Variants in ENTREP2 observed in about 807,000 individuals in gnomAD.
ENTREP2 encodes the protein endosomal transmembrane epsin interactor 2, also known as protein ENTREP2.
chr15:29,650,671 T>A, the ENTREP2 span, among the ~76,000 whole-genome samples: 2 of 152,080 alleles, frequency 1.3e-5, no homozygotes, highest in Non-Finnish European at 2.9e-5. Context: ...GGTACAAATG[T>A]AGGTACACAA....
chr15:29,665,977 C>T, the ENTREP2 span, among the ~76,000 whole-genome samples: 62 of 151,648 alleles, frequency 4.1e-4, no homozygotes, highest in African/African-American at 1.4e-3. Context: ...CCTCAGCCTC[C>T]TGAGTAGCTG....
At chr15:29,664,119 A>G in the ENTREP2 span, among the ~76,000 whole-genome samples, 5 of 152,032 alleles carry the variant, frequency 3.3e-5, no homozygotes, top group African/African-American at 1.2e-4. Context: ...ATGCATTCTT[A>G]AATGTGAATT....
At chr15:29,208,246 C>T in the ENTREP2 span, among the ~76,000 whole-genome samples, 2 of 150,832 alleles carry the variant, frequency 1.3e-5, no homozygotes, top group Admixed American at 6.6e-5. Flanking sequence ...AGCTGGCACA[C>T]AACGTGAAAC....
chr15:29,634,428 C>A, the ENTREP2 span, among the ~76,000 whole-genome samples: 3 of 152,170 alleles, frequency 2.0e-5, no homozygotes, highest in African/African-American at 7.2e-5. Flanking sequence ...CTGTTTGGGG[C>A]TGTAAAAGTA....
At chr15:29,357,576 G>A in the ENTREP2 span, among the ~76,000 whole-genome samples, 8 of 152,222 alleles carry the variant, frequency 5.3e-5, no homozygotes, top group South Asian at 1.0e-3. Flanking sequence ...GGTGGCTCAC[G>A]CCTGTAATCC....
At chr15:29,377,541 C>T in the ENTREP2 span, among the ~76,000 whole-genome samples, 2 of 151,988 alleles carry the variant, frequency 1.3e-5, no homozygotes, top group African/African-American at 4.8e-5. Context: ...AAATGAGTCA[C>T]GGCCAGGCGC....
the ENTREP2 span, among the ~76,000 whole-genome samples, chr15:29,518,437 A>G: frequency 6.6e-6 from 1 of 152,214 alleles, no homozygotes; most frequent in Non-Finnish European, 1.5e-5. Flanking sequence ...ACATTTCTAA[A>G]AAAACAAATA....
chr15:29,248,434 G>A, the ENTREP2 span, among the ~76,000 whole-genome samples: 1 of 152,024 alleles, frequency 6.6e-6, no homozygotes, highest in African/African-American at 2.4e-5. Context: ...GAATATATTT[G>A]CCCAATATAA....
the ENTREP2 span, among the ~76,000 whole-genome samples, chr15:29,391,410 C>G: frequency 6.6e-6 from 1 of 151,944 alleles, no homozygotes; most frequent in Non-Finnish European, 1.5e-5. Context: ...AACTCTGCAG[C>G]TTTCATTATC....
chr15:29,587,184 T>A, the ENTREP2 span, among the ~76,000 whole-genome samples: 1 of 144,660 alleles, frequency 6.9e-6, no homozygotes, highest in Non-Finnish European at 1.5e-5. Flanking sequence ...TGTGTGTGTG[T>A]GTGTGTTTCG....
chr15:29,673,081 C>A, the ENTREP2 span, among the ~76,000 whole-genome samples: 2 of 152,048 alleles, frequency 1.3e-5, no homozygotes, highest in Non-Finnish European at 2.9e-5. Flanking sequence ...AACTTCTGGA[C>A]GTTGCCATGG....
the ENTREP2 span, among the ~76,000 whole-genome samples, chr15:29,132,652 CAGATCCCTTCCA>C: frequency 3.3e-5 from 5 of 152,252 alleles, no homozygotes; most frequent in African/African-American, 1.2e-4. Flanking sequence ...CAGAACCAGC[CAGATCCCTTCCA>C]ATATATTCTA....
At chr15:29,342,602 C>T in the ENTREP2 span, among the ~76,000 whole-genome samples, 2 of 152,136 alleles carry the variant, frequency 1.3e-5, no homozygotes, top group Non-Finnish European at 2.9e-5. Flanking sequence ...CTCCTCTTAG[C>T]AAAATGTGAA....
chr15:29,356,478 T>A, the ENTREP2 span, among the ~76,000 whole-genome samples: 1 of 150,974 alleles, frequency 6.6e-6, no homozygotes, highest in African/African-American at 2.4e-5. Context: ...GCTAATTTTT[T>A]ATATTTTTAG....
At chr15:29,400,843 C>T in the ENTREP2 span, among the ~76,000 whole-genome samples, 3 of 152,244 alleles carry the variant, frequency 2.0e-5, no homozygotes, top group East Asian at 1.9e-4. Flanking sequence ...GTGCCTTTGA[C>T]GTGTGAGGTC....
the ENTREP2 span, among the ~76,000 whole-genome samples, chr15:29,119,951 T>C: frequency 6.6e-6 from 1 of 152,228 alleles, no homozygotes; most frequent in Admixed American, 6.5e-5. Context: ...AAAAAACCTG[T>C]ATTTAAGGAA....
At chr15:29,306,110 C>T in the ENTREP2 span, among the ~76,000 whole-genome samples, 3 of 152,218 alleles carry the variant, frequency 2.0e-5, no homozygotes, top group Admixed American at 1.3e-4. Context: ...GGCAGCGCTG[C>T]GATACCCCAG....
chr15:29,210,633 A>ACCCTC, the ENTREP2 span, among the ~76,000 whole-genome samples: 1 of 151,966 alleles, frequency 6.6e-6, no homozygotes, highest in Non-Finnish European at 1.5e-5. Flanking sequence ...CCTGACCTGG[A>ACCCTC]CCCTCCCCCA....
At chr15:29,223,786 T>G in the ENTREP2 span, among the ~76,000 whole-genome samples, 1 of 152,164 alleles carries the variant, frequency 6.6e-6, no homozygotes, top group South Asian at 2.1e-4. Flanking sequence ...CTTTCCCCAG[T>G]CCCTGCAACA....
Sources: allele counts gnomAD v4.1 joint callset (sites outside exome capture counted in the v4.1 genomes callset), GRCh38; gene constraint gnomAD v4.1.1; transcripts MANE v1.5; gene names NCBI Gene and HGNC (gene_info 2026-07-23, HGNC 2026-07-21).